The following FGF13 variants were observed in gnomAD, a reference collection of about 807,000 sequenced individuals.
FGF13 encodes fibroblast growth factor homologous factor 2.
In FGF13, 2 loss-of-function variants were observed where a neutral mutation model predicts 19.5. That is an observed-to-expected ratio of 0.10 (90% CI 0.04 to 0.32). The LOEUF (loss-of-function observed/expected upper bound fraction) is 0.32. FGF13 is among the 10% of genes least tolerant of loss of function. FGF13 has a pLI of 1.00. For missense variants in FGF13, 113 were observed against 192.7 expected (o/e 0.59, Z 2.45); for synonymous variants, 72 against 76.9 (o/e 0.94, Z 0.33).
Position 139,164,557 on chromosome X carries a change from A to G in FGF13, c.-113+38859T>C, listed in dbSNP as rs1372001072. ...ATAACAAATTTTGCCGGGCGTCATGAGATGTGCCTGTAGTCCTAGCTACTC... is the reference window on the plus strand; with the variant it reads ...ATAACAAATTTTGCCGGGCGTCATGGGATGTGCCTGTAGTCCTAGCTACTC... On this transcript the variant is annotated intron_variant, in intron 1 of 2. Transcript: ENST00000421460. 2.7e-5 allele frequency among the ~76,000 whole-genome samples: 3 copies of G among 109,909 alleles called. No individual in the cohort carries two copies. The Admixed American group carries it at 2.9e-4, about 11-fold the overall frequency.
At chrX:139,025,908 A>T (rs1388144683) in intron 1 of FGF13, among the ~76,000 whole-genome samples, 5 of 109,891 alleles carry the variant, frequency 4.5e-5, no homozygotes, top group African/African-American at 1.3e-4. Flanking sequence ...ATCATTCTAG[A>T]CCTCTCTTCT....
chrX:138,983,414 T>TATATATATATATATA (rs2091972165), intron 1 of FGF13, among the ~76,000 whole-genome samples: 28 of 81,197 alleles, frequency 3.4e-4, no homozygotes, highest in East Asian at 4.3e-4. Flanking sequence ...TAAGTTGATC[T>TATATATATATATATA]TATATATATA....
chrX:138,786,211 A>G (rs1277132517), intron 3 of FGF13, among the ~76,000 whole-genome samples: 1 of 112,055 alleles, frequency 8.9e-6, no homozygotes. Flanking sequence ...AAGATCTTCT[A>G]GGAACTACCC....
intron 3 of FGF13, among the ~76,000 whole-genome samples, chrX:138,816,039 C>T (rs1405571163): frequency 3.6e-5 from 4 of 110,757 alleles, no homozygotes; most frequent in Non-Finnish European, 7.6e-5. Context: ...ATAAAGAAAC[C>T]ATAAAGAAAT....
intron 1 of FGF13, among the ~76,000 whole-genome samples, chrX:138,899,757 A>AC (rs1348282154): frequency 9.0e-6 from 1 of 111,269 alleles, no homozygotes. Context: ...CAGTGTATTT[A>AC]CCCCAAAAAG....
At chrX:139,033,174 G>A (rs181686853) in intron 1 of FGF13, among the ~76,000 whole-genome samples, 22 of 110,517 alleles carry the variant, frequency 2.0e-4, no homozygotes, top group African/African-American at 7.2e-4. Flanking sequence ...CAAAATTGGA[G>A]TTTCTGGCAA....
At chrX:139,179,892 G>A (rs886536752) in intron 1 of FGF13, among the ~76,000 whole-genome samples, 6 of 113,135 alleles carry the variant, frequency 5.3e-5, no homozygotes, top group African/African-American at 1.9e-4. Context: ...AATAAAGGAA[G>A]GCACTCCTTG....
At chrX:139,014,536 C>T (rs912377930) in intron 1 of FGF13, among the ~76,000 whole-genome samples, 14 of 111,019 alleles carry the variant, frequency 1.3e-4, no homozygotes, top group Non-Finnish European at 2.5e-4. Context: ...TAAGATTAAA[C>T]CATGAAGAGA....
intron 1 of FGF13, among the ~76,000 whole-genome samples, chrX:138,867,034 C>T (rs953769404): frequency 9.0e-5 from 10 of 111,441 alleles, no homozygotes. Flanking sequence ...TGAATCTCGA[C>T]GTTTAATTCC....
intron 1 of FGF13, among the ~76,000 whole-genome samples, chrX:138,999,068 C>T (rs1035775694): frequency 7.1e-5 from 8 of 112,061 alleles, no homozygotes; most frequent in African/African-American, 2.3e-4. Flanking sequence ...AACTGAACAA[C>T]CTGCTCCTGA....
chrX:138,828,870 C>T (rs933860653), intron 3 of FGF13, among the ~76,000 whole-genome samples: 11 of 111,272 alleles, frequency 9.9e-5, no homozygotes, highest in African/African-American at 3.3e-4. Context: ...AGGAAAAAGA[C>T]ACAGGACATT....
intron 3 of FGF13, among the ~76,000 whole-genome samples, chrX:138,685,580 C>T (rs1461426262): frequency 2.7e-5 from 3 of 111,417 alleles, no homozygotes; most frequent in African/African-American, 9.8e-5. Context: ...CCAAATACAG[C>T]AGCTTTTCTC....
chrX:138,784,983 C>T (rs1029319994), intron 3 of FGF13, among the ~76,000 whole-genome samples: 5 of 112,115 alleles, frequency 4.5e-5, no homozygotes, highest in African/African-American at 1.3e-4. Flanking sequence ...TTCAAATGAG[C>T]CCTCTGTGTT....
chrX:138,708,942 A>G lies in FGF13; in HGVS notation c.188-14T>C, dbSNP rs765789103. 6.6e-5 allele frequency: 67 copies of G among 1,016,286 alleles called. No homozygotes were observed. The highest frequency in any genetic ancestry group is 9.2e-5 in the Non-Finnish European group (67 of 727,244). The allele number at this position is 1,016,286 out of a possible 1,213,427, so 83.8% of individuals were successfully genotyped here. ...TAAGCTGAGGCTCTGCAAAGAGAACAATGATTTGGATCAATTGATAAATTG... is the reference window on the plus strand; with the variant it reads ...TAAGCTGAGGCTCTGCAAAGAGAACGATGATTTGGATCAATTGATAAATTG... On this transcript the variant is annotated splice_polypyrimidine_tract_variant and intron_variant, in intron 1 of 4. Transcript: ENST00000315930.
At chrX:138,996,875 G>A (rs2092045603) in intron 1 of FGF13, among the ~76,000 whole-genome samples, 1 of 112,052 alleles carries the variant, frequency 8.9e-6, no homozygotes, top group Non-Finnish European at 1.9e-5. Context: ...CCCACATGTA[G>A]CCTGACTGGG....
intron 3 of FGF13, among the ~76,000 whole-genome samples, chrX:138,767,700 C>T (rs1010560819): frequency 2.7e-5 from 3 of 112,014 alleles, no homozygotes; most frequent in Non-Finnish European, 5.6e-5. Flanking sequence ...ATAACGGATA[C>T]AGGCAGAAGT....
chrX:138,881,168 G>A (rs1193621932), intron 1 of FGF13, among the ~76,000 whole-genome samples: 4 of 111,335 alleles, frequency 3.6e-5, no homozygotes, highest in East Asian at 5.6e-4. Context: ...TCCTAGGTAC[G>A]TTATTCTTTT....
downstream of FGF13, among the ~76,000 whole-genome samples, chrX:138,855,144 G>A (rs978957497): frequency 2.7e-5 from 3 of 111,888 alleles, no homozygotes; most frequent in African/African-American, 9.7e-5. Context: ...AGAATGACCA[G>A]TGAACCCTTC....
intron 3 of FGF13, among the ~76,000 whole-genome samples, chrX:138,687,584 A>G (rs1369385472): frequency 8.9e-6 from 1 of 112,210 alleles, no homozygotes; most frequent in East Asian, 2.8e-4. Flanking sequence ...TATGGAAGAC[A>G]GTATGGAGGT....
Sources: gnomAD v4.1 joint callset for allele counts (sites outside exome capture counted in the v4.1 genomes callset) on GRCh38, gnomAD v4.1.1 for gene constraint, MANE v1.5 for transcripts, NCBI Gene and HGNC (gene_info 2026-07-23, HGNC 2026-07-21) for gene names.